The following PRKG1 variants were observed in gnomAD, a reference collection of about 807,000 sequenced individuals.
PRKG1 encodes the protein protein kinase cGMP-dependent 1.
In PRKG1, 35 loss-of-function variants were observed where a neutral mutation model predicts 88.1. The observed-to-expected ratio is 0.40, with a 90% CI of 0.30 to 0.53. The LOEUF (loss-of-function observed/expected upper bound fraction) is 0.53, where lower values mean the gene tolerates loss of function less well. PRKG1 is among the 20% of genes least tolerant of loss of function. PRKG1 has a pLI of 0.59. For synonymous variants in PRKG1, 303 were observed against 292.5 expected, an observed-to-expected ratio of 1.04 and a Z score of -0.37; for missense variants, 540 against 839.8, an observed-to-expected ratio of 0.64 and a Z score of 4.41.
At chr10:51,375,415 T>A (rs1842796837) in intron 2 of PRKG1, among the ~76,000 whole-genome samples, 1 of 149,288 alleles carries the variant, frequency 6.7e-6, no homozygotes, top group South Asian at 2.1e-4. Context: ...CAGAGTGTTT[T>A]GGATTTGGGG....
intron 1 of PRKG1, among the ~76,000 whole-genome samples, chr10:51,076,525 G>A (rs987766578): frequency 6.6e-6 from 1 of 152,064 alleles, no homozygotes; most frequent in African/African-American, 2.4e-5. Context: ...TTTTGTATCC[G>A]CAGGACTTTT....
intron 3 of PRKG1, among the ~76,000 whole-genome samples, chr10:51,643,202 C>T (rs1259506821): frequency 2.6e-5 from 4 of 152,110 alleles, no homozygotes; most frequent in African/African-American, 4.8e-5. Flanking sequence ...GAGAATATAA[C>T]ATCAGTGATT....
intron 7 of PRKG1, among the ~76,000 whole-genome samples, chr10:52,079,766 G>C (rs1361670729): frequency 2.6e-5 from 4 of 152,160 alleles, no homozygotes; most frequent in Non-Finnish European, 5.9e-5. Context: ...CCTGCACTTG[G>C]AATTCTGAAG....
chr10:51,102,479 C>G (rs1844710330), intron 1 of PRKG1, among the ~76,000 whole-genome samples: 1 of 151,904 alleles, frequency 6.6e-6, no homozygotes, highest in South Asian at 2.1e-4. Flanking sequence ...GTCTTTCAAC[C>G]TAAAAAGTTA....
At chr10:51,858,705 T>C (rs1244785979) in intron 4 of PRKG1, among the ~76,000 whole-genome samples, 2 of 151,710 alleles carry the variant, frequency 1.3e-5, no homozygotes, top group African/African-American at 4.8e-5. Context: ...ATATTCCAGG[T>C]GTGGTGCCAC....
chr10:51,448,347 TCTGTGC>T (rs1301517270), intron 2 of PRKG1, among the ~76,000 whole-genome samples: 5 of 152,084 alleles, frequency 3.3e-5, no homozygotes, highest in Admixed American at 2.0e-4. Flanking sequence ...TATTCTGTGG[TCTGTGC>T]CTCTAAATAT....
At position 50,991,230 on chromosome 10, in the gene PRKG1, A is replaced by T; in HGVS notation, c.-149A>T. On this transcript the variant is annotated 5_prime_UTR_variant, in exon 1 of 18. Coordinates refer to the PRKG1 transcript ENST00000401604. The surrounding 1 kb of genome is among the most constrained non-coding windows in gnomAD (Gnocchi z 4.5). ...AGCAGGAGGCTCCCCGCGCCGCATT[A>T]GGGGCGCACTCCGCCGCGCTCGAGT... The T allele has an allele frequency of 8.5e-7, 1 of 1,170,514 alleles. No homozygotes were observed. Among genetic ancestry groups the T allele is most frequent in the Non-Finnish European group, 1.2e-6 (1 of 864,180 alleles). The allele number at this position is 1,170,514 out of a possible 1,614,324, so 72.5% of individuals were successfully genotyped here. A position where few individuals can be genotyped will look rare whatever the true frequency, so the allele number is the denominator to read the frequency against.
At chr10:52,290,084 T>A (rs975412436) in intron 16 of PRKG1, 140 bp from the exon 17 acceptor site, 1 of 615,028 alleles carries the variant, frequency 1.6e-6, no homozygotes, top group African/African-American at 1.8e-5. Context: ...GGAAAACATA[T>A]GCAATTAAAT....
chr10:51,456,479 A>G (rs1377941791), intron 2 of PRKG1, among the ~76,000 whole-genome samples: 1 of 152,184 alleles, frequency 6.6e-6, no homozygotes, highest in African/African-American at 2.4e-5. Flanking sequence ...ACCTGCAACC[A>G]TAAACATTCT....
At chr10:51,074,096 A>T (rs1038037316), upstream of PRKG1, among the ~76,000 whole-genome samples, 1 of 35,294 alleles carries the variant, frequency 2.8e-5, no homozygotes, top group African/African-American at 1.1e-4. Context: ...CCACCTCCCC[A>T]CCCCCGAAGT....
At chr10:51,568,111 A>G (rs1270307662) in intron 3 of PRKG1, among the ~76,000 whole-genome samples, 2 of 152,044 alleles carry the variant, frequency 1.3e-5, no homozygotes, top group African/African-American at 4.8e-5. Context: ...CTCCCAAGAA[A>G]AAAAAAATGC....
At chr10:51,561,429 A>G (rs1246540189) in intron 3 of PRKG1, among the ~76,000 whole-genome samples, 1 of 152,182 alleles carries the variant, frequency 6.6e-6, no homozygotes, top group Non-Finnish European at 1.5e-5. Context: ...AAGGTCAGTC[A>G]TCTCAGTAAT....
chr10:51,859,803 C>A (rs989133422), intron 4 of PRKG1, among the ~76,000 whole-genome samples: 4 of 152,190 alleles, frequency 2.6e-5, no homozygotes, highest in African/African-American at 7.2e-5. Flanking sequence ...ACATTCCACA[C>A]TAGTTTGCTT....
At chr10:51,100,096 G>A (rs781659619) in intron 1 of PRKG1, among the ~76,000 whole-genome samples, 1 of 152,034 alleles carries the variant, frequency 6.6e-6, no homozygotes, top group Non-Finnish European at 1.5e-5. Context: ...ATCTCACTGT[G>A]TTGCCCAGGT....
chr10:51,070,362 A>G (rs1824604699), upstream of PRKG1, among the ~76,000 whole-genome samples: 1 of 152,086 alleles, frequency 6.6e-6, no homozygotes, highest in Admixed American at 6.6e-5. Flanking sequence ...ACAGACCGTC[A>G]TGTCTGCCAG....
At chr10:51,035,099 C>T (rs1843336949) in intron 1 of PRKG1, among the ~76,000 whole-genome samples, 1 of 152,034 alleles carries the variant, frequency 6.6e-6, no homozygotes, top group Non-Finnish European at 1.5e-5. Context: ...GCAAAGTATA[C>T]ACGGTCATGG....
intron 4 of PRKG1, among the ~76,000 whole-genome samples, chr10:51,895,303 TC>T (rs1841816581): frequency 6.6e-6 from 1 of 152,198 alleles, no homozygotes; most frequent in African/African-American, 2.4e-5. Context: ...CTTGAACTTT[TC>T]AGTTTCTTCT....
At chr10:51,986,230 C>A (rs1298787566) in intron 5 of PRKG1, among the ~76,000 whole-genome samples, 1 of 152,152 alleles carries the variant, frequency 6.6e-6, no homozygotes, top group African/African-American at 2.4e-5. Flanking sequence ...CAGGAACCAC[C>A]TGTACAATGA....
chr10:51,408,730 G>T (rs1360053895), intron 2 of PRKG1, among the ~76,000 whole-genome samples: 1 of 152,174 alleles, frequency 6.6e-6, no homozygotes, highest in Non-Finnish European at 1.5e-5. Flanking sequence ...CTCCATCCCC[G>T]CCACCATGGC....
Sources: allele counts gnomAD v4.1 joint callset (sites outside exome capture counted in the v4.1 genomes callset), GRCh38; gene constraint gnomAD v4.1.1; non-coding constraint Gnocchi (gnomAD v3.1); transcripts MANE v1.5; gene names NCBI Gene and HGNC (gene_info 2026-07-23, HGNC 2026-07-21).